Variants in DDR2 observed in about 807,000 individuals in gnomAD.
The protein encoded by DDR2 is discoidin domain receptor tyrosine kinase 2, also known as discoidin domain-containing receptor 2.
In DDR2, 27 loss-of-function variants were observed where a neutral mutation model predicts 94.9. That is an observed-to-expected ratio of 0.28 (90% CI 0.21 to 0.39). The LOEUF (loss-of-function observed/expected upper bound fraction) is 0.39. DDR2 is among the 10% of genes least tolerant of loss of function. DDR2 has a pLI of 1.00. For synonymous variants in DDR2, 382 were observed against 377.2 expected (o/e 1.01, Z -0.15); for missense variants, 783 against 1,076.0 (o/e 0.73, Z 3.81).
intron 11 of DDR2, among the ~76,000 whole-genome samples, chr1:162,767,602 A>G (rs902710975): frequency 6.6e-6 from 1 of 152,148 alleles, no homozygotes; most frequent in African/African-American, 2.4e-5. Context: ...TTCTTAATAC[A>G]TTGAATCTCC....
intron 14 of DDR2, among the ~76,000 whole-genome samples, chr1:162,775,292 G>A (rs906277580): frequency 6.0e-5 from 9 of 150,446 alleles, no homozygotes; most frequent in African/African-American, 2.2e-4. Context: ...GTGCACTTAA[G>A]ATATGATTTT....
At chr1:162,706,367 T>C (rs1660661434) in intron 2 of DDR2, among the ~76,000 whole-genome samples, 1 of 152,184 alleles carries the variant, frequency 6.6e-6, no homozygotes, top group South Asian at 2.1e-4. Context: ...ACTGAAAAAT[T>C]CTACATTCAT....
chr1:162,695,753 A>C (rs1292362148), intron 2 of DDR2, among the ~76,000 whole-genome samples: 1 of 152,220 alleles, frequency 6.6e-6, no homozygotes, highest in African/African-American at 2.4e-5. Flanking sequence ...CATAGCTACC[A>C]TTTACTGAGT....
At chr1:162,756,654 G>A (rs1479319351) in intron 7 of DDR2, among the ~76,000 whole-genome samples, 1 of 152,130 alleles carries the variant, frequency 6.6e-6, no homozygotes, top group Non-Finnish European at 1.5e-5. Flanking sequence ...TCTCAGGAAG[G>A]GAGTGTGGAA....
At chr1:162,721,578 G>A (rs902264161) in intron 3 of DDR2, among the ~76,000 whole-genome samples, 1 of 152,200 alleles carries the variant, frequency 6.6e-6, no homozygotes, top group African/African-American at 2.4e-5. Context: ...ACACTGCTGA[G>A]CATAAAGTCA....
chr1:162,702,865 C>A (rs1660491044), intron 2 of DDR2, among the ~76,000 whole-genome samples: 1 of 152,162 alleles, frequency 6.6e-6, no homozygotes, highest in African/African-American at 2.4e-5. Context: ...ACTCCCTTGG[C>A]TTCAATAGAG....
rs568500156 is a variant in DDR2 at position 162,734,903 on chromosome 1, A to G, written c.82+15758A>G. Among the ~76,000 whole-genome samples the G allele has an allele frequency of 6.8e-4, 103 of 152,282 alleles. 1 individual carries two copies. Among genetic ancestry groups the G allele is most frequent in the African/African-American group, 2.3e-3 (96 of 41,556 alleles). ...AAGTTTTAGGAAGCTAATTTGGGCT[A>G]TTGTGTGGAGAAGGGATGATAGAGG... On this transcript the variant is annotated intron_variant, in intron 3 of 17. Transcript: ENST00000367921.
chr1:162,751,733 A>T (rs1663206174), intron 3 of DDR2, among the ~76,000 whole-genome samples: 2 of 152,258 alleles, frequency 1.3e-5, no homozygotes, highest in Non-Finnish European at 2.9e-5. Context: ...AATAGCAAAG[A>T]CTTGGAATCA....
chr1:162,745,107 T>G (rs1408180333), intron 3 of DDR2, among the ~76,000 whole-genome samples: 1 of 152,242 alleles, frequency 6.6e-6, no homozygotes, highest in African/African-American at 2.4e-5. Context: ...TTGAACACCT[T>G]TTCGTGTAAC....
At chr1:162,689,264 G>T (rs1425431451) in intron 2 of DDR2, among the ~76,000 whole-genome samples, 1 of 152,170 alleles carries the variant, frequency 6.6e-6, no homozygotes, top group South Asian at 2.1e-4. Context: ...TGAGGTGATG[G>T]TTAATACCTG....
At chr1:162,672,555 T>G (rs560772112) in intron 2 of DDR2, among the ~76,000 whole-genome samples, 2 of 152,318 alleles carry the variant, frequency 1.3e-5, no homozygotes, top group East Asian at 3.9e-4. Context: ...TGCATATTTA[T>G]ACTAAACTAA....
At chr1:162,770,540 C>G (rs1664216548) in intron 12 of DDR2, 28 bp downstream of exon 12, 1 of 1,606,462 alleles carries the variant, frequency 6.2e-7, no homozygotes, top group Non-Finnish European at 8.5e-7. Flanking sequence ...GGCAGGGTGT[C>G]AAGGGAGAAA....
intron 2 of DDR2, among the ~76,000 whole-genome samples, chr1:162,664,025 G>T (rs1469069557): frequency 6.6e-6 from 1 of 152,098 alleles, no homozygotes; most frequent in Non-Finnish European, 1.5e-5. Flanking sequence ...AGAGGCTGGG[G>T]GAGGACAGGA....
chr1:162,723,835 G>T (rs1238336164), intron 3 of DDR2, among the ~76,000 whole-genome samples: 1 of 152,194 alleles, frequency 6.6e-6, no homozygotes, highest in Non-Finnish European at 1.5e-5. Context: ...CTTACTACCA[G>T]TTCAGAGTCC....
chr1:162,747,020 C>T (rs1157859118), intron 3 of DDR2, among the ~76,000 whole-genome samples: 1 of 152,140 alleles, frequency 6.6e-6, no homozygotes, highest in Non-Finnish European at 1.5e-5. Context: ...AGGTCACCAT[C>T]ATCAAAGACT....
At chr1:162,682,170 A>T (rs1026877783) in intron 2 of DDR2, among the ~76,000 whole-genome samples, 1 of 152,010 alleles carries the variant, frequency 6.6e-6, no homozygotes, top group South Asian at 2.1e-4. Flanking sequence ...GTCCATGTTT[A>T]TCTTGGTGGG....
At position 162,776,310 on chromosome 1, in the gene DDR2, C is replaced by T. The variant is rs2102199641; in HGVS notation, c.2223C>T (p.Tyr741=). 6.2e-7 allele frequency: 1 copy of T among 1,614,006 alleles called. No individual in the cohort carries two copies. Among genetic ancestry groups the T allele is most frequent in the Non-Finnish European group, 8.5e-7 (1 of 1,179,962 alleles). ...MSRNLYSGDY[Y]RIQGRAVLPI... ...GGAACCTGTACAGTGGTGACTATTA[C>T]CGGATCCAGGGCCGGGCAGTGCTCC... Residue 741 remains tyrosine, a synonymous_variant, in exon 16 of 18, where the codon TAC becomes TAT. Coordinates refer to ENST00000367921, the MANE Select transcript of DDR2 (RefSeq NM_006182.4).
At chr1:162,672,603 T>C (rs750173087) in intron 2 of DDR2, among the ~76,000 whole-genome samples, 1 of 152,214 alleles carries the variant, frequency 6.6e-6, no homozygotes, top group Non-Finnish European at 1.5e-5. Context: ...TATAGATTCA[T>C]GTATACTTTA....
intron 7 of DDR2, among the ~76,000 whole-genome samples, chr1:162,758,328 T>A (rs1363565930): frequency 6.6e-6 from 1 of 152,222 alleles, no homozygotes; most frequent in African/African-American, 2.4e-5. Flanking sequence ...CAAAAGTTAC[T>A]TTTTAAATTT....
Sources: allele counts gnomAD v4.1 joint callset (sites outside exome capture counted in the v4.1 genomes callset), GRCh38; gene constraint gnomAD v4.1.1; transcripts MANE v1.5; gene names NCBI Gene and HGNC (gene_info 2026-07-23, HGNC 2026-07-21).